The following RALGAPB variants were observed in gnomAD, a reference collection of about 807,000 sequenced individuals.
The protein encoded by RALGAPB is Ral GTPase activating protein non-catalytic subunit beta, also known as ral GTPase-activating protein subunit beta.
In RALGAPB, 25 loss-of-function variants were observed where a neutral mutation model predicts 161.1. The observed-to-expected ratio is 0.16, with a 90% CI of 0.11 to 0.22. RALGAPB has a LOEUF of 0.22. Ranked by LOEUF, RALGAPB falls within the 10% of genes least tolerant of loss-of-function variation. The probability of loss-of-function intolerance (pLI) is 1.00; values close to 1 mark genes in which losing one functional copy is unlikely to be tolerated. For missense variants in RALGAPB, 1,391 were observed against 1,815.2 expected (o/e 0.77, Z 4.25); for synonymous variants, 629 against 626.1 (o/e 1.00, Z -0.07).
At position 38,575,891 on chromosome 20, in the gene RALGAPB, A is replaced by T. The variant is rs1457294636; in HGVS notation, c.*924A>T. The T allele has an allele frequency of 6.6e-6, 1 of 152,650 alleles. No individual in the cohort carries two copies. Among genetic ancestry groups the T allele is most frequent in the East Asian group, 1.9e-4 (1 of 5,196 alleles). 9.5% of individuals were successfully genotyped at this position (152,650 alleles called of 1,614,324 possible). On this transcript the variant is annotated 3_prime_UTR_variant, in exon 30 of 30. Transcript: ENST00000262879. ...ATTTCAGGACCAAGCAGCAAACTGC[A>T]GTAGTTTGTGAAGGATTCTAATATG...
intron 10 of RALGAPB, among the ~76,000 whole-genome samples, chr20:38,521,927 T>C (rs1436150760): frequency 2.0e-5 from 3 of 152,264 alleles, no homozygotes; most frequent in Non-Finnish European, 4.4e-5. Context: ...TATTTGAATC[T>C]TTTTAATATG....
At chr20:38,521,831 T>A in intron 10 of RALGAPB, 133 bp downstream of exon 10, 1 of 939,988 alleles carries the variant, frequency 1.1e-6, no homozygotes, top group Non-Finnish European at 1.6e-6. Flanking sequence ...GACATTTGCC[T>A]GAAATCTTTC....
intron 14 of RALGAPB, 108 bp from the exon 15 acceptor site, chr20:38,532,622 A>G: frequency 7.4e-7 from 1 of 1,343,466 alleles, no homozygotes; most frequent in Non-Finnish European, 1.0e-6. Context: ...AGTTTGTACT[A>G]TTCAGTTGGC....
At chr20:38,519,750 G>C (rs970828617) in intron 9 of RALGAPB, among the ~76,000 whole-genome samples, 1 of 152,180 alleles carries the variant, frequency 6.6e-6, no homozygotes, top group Admixed American at 6.5e-5. Flanking sequence ...GGGTTAGAAT[G>C]CTAGGTGCCA....
rs913619823 is a variant in RALGAPB, at chr20:38,562,759, T to TC, written c.3697+67dup. 15 of 1,469,646 alleles carry TC rather than the reference T, an allele frequency of 1.0e-5. No individual in the cohort carries two copies. The African/African-American group carries it at 1.2e-4, about 11-fold the overall frequency. The allele number at this position is 1,469,646 out of a possible 1,614,324, so 91.0% of individuals were successfully genotyped here. A position where few individuals can be genotyped will look rare whatever the true frequency, so the allele number is the denominator to read the frequency against. ...TGTTTGTTAGTCTTGTTTTTTTTTT[T>TC]CCCCCTTTACTGTGATTTATAGTCT... On this transcript the variant is annotated intron_variant, in intron 24 of 29. Transcript: ENST00000262879.
intron 19 of RALGAPB, chr20:38,547,251 G>GATTAA (rs2087199679): frequency 6.6e-6 from 1 of 151,722 alleles, no homozygotes; most frequent in African/African-American, 2.4e-5. Context: ...TTTTTCTGAT[G>GATTAA]GTAATTGGCA....
intron 3 of RALGAPB, 78 bp from the exon 4 acceptor site, chr20:38,497,275 C>T: frequency 7.4e-7 from 1 of 1,353,862 alleles, no homozygotes; most frequent in Admixed American, 2.0e-5. Context: ...CTGCTTGCTA[C>T]ATCCATAAGT....
At chr20:38,540,437 T>C (rs972765516) in intron 17 of RALGAPB, among the ~76,000 whole-genome samples, 3 of 152,258 alleles carry the variant, frequency 2.0e-5, no homozygotes, top group Non-Finnish European at 4.4e-5. Context: ...TTCTGTGTAA[T>C]GTCTTCCTTA....
rs774166977 is a variant in RALGAPB at position 38,553,962 on chromosome 20, GAGA to G, written c.3261_3263del (p.Arg1087del). ...AACAGAGTGAGGAGGAATTGCAGAAGAGAAGTTTTCCTGACCCAGTTACGGATT... is the reference window on the plus strand; with the variant it reads ...AACAGAGTGAGGAGGAATTGCAGAAGAGTTTTCCTGACCCAGTTACGGATT... On this transcript the variant is annotated inframe_deletion, in exon 22 of 30. Transcript: ENST00000262879. The G allele has an allele frequency of 2.5e-6, 4 of 1,612,954 alleles. No homozygotes were observed. In the South Asian group the frequency reaches 4.4e-5, roughly 18 times the overall value.
intron 29 of RALGAPB, 62 bp downstream of exon 29, chr20:38,574,360 C>A: frequency 6.7e-7 from 1 of 1,481,648 alleles, no homozygotes; most frequent in Non-Finnish European, 9.0e-7. Flanking sequence ...TTTTATAAAC[C>A]AAAAAGAAGT....
intron 14 of RALGAPB, among the ~76,000 whole-genome samples, 184 bp from the exon 15 acceptor site, chr20:38,532,546 C>T (rs1281833719): frequency 6.6e-6 from 1 of 152,198 alleles, no homozygotes; most frequent in Non-Finnish European, 1.5e-5. Flanking sequence ...TTCATACCCT[C>T]CAGTAGATTT....
chr20:38,507,699 G>C (rs1009954703), intron 5 of RALGAPB, among the ~76,000 whole-genome samples: 1 of 151,538 alleles, frequency 6.6e-6, no homozygotes, highest in Admixed American at 6.6e-5. Flanking sequence ...TTTTGTTTTT[G>C]TTTTTCTTTT....
chr20:38,511,590 A>C (rs903514190), intron 6 of RALGAPB, among the ~76,000 whole-genome samples: 5 of 152,194 alleles, frequency 3.3e-5, no homozygotes, highest in African/African-American at 4.8e-5. Context: ...TTGCACCGCC[A>C]TTAATCCATT....
At chr20:38,520,871 T>C (rs2086269944) in intron 9 of RALGAPB, among the ~76,000 whole-genome samples, 1 of 152,218 alleles carries the variant, frequency 6.6e-6, no homozygotes, top group African/African-American at 2.4e-5. Context: ...CAATCCAATT[T>C]TCTGATTTAT....
In RALGAPB at chr20:38,525,439, C is replaced by T. The variant is rs777059021; in HGVS notation, c.1823C>T (p.Thr608Ile). 1 of 1,600,148 alleles carries T rather than the reference C, an allele frequency of 6.2e-7. No individual in the cohort carries two copies. The highest frequency in any genetic ancestry group is 8.5e-7 in the Non-Finnish European group (1 of 1,176,246). ...LSKFKSYVNP[T>I]ELRRSSINIL... ...AAATTCAAAAGCTATGTAAATCCAA[C>T]AGAATTGCGAAGATCCTCCATTAAT... The change falls in exon 12 of 30, where the codon ACA becomes ATA. Residue 608 changes from threonine to isoleucine, a missense_variant. Thr to Ile is a moderately conservative substitution (Grantham distance 89). Transcript: ENST00000262879.
intron 2 of RALGAPB, among the ~76,000 whole-genome samples, chr20:38,490,689 A>G (rs538306047): frequency 6.7e-6 from 1 of 148,362 alleles, no homozygotes; most frequent in Admixed American, 6.6e-5. Context: ...TATTTTTTTT[A>G]GTAGAGACAA....
chr20:38,479,816 C>T (rs1226314454), intron 1 of RALGAPB, among the ~76,000 whole-genome samples: 4 of 152,122 alleles, frequency 2.6e-5, no homozygotes, highest in African/African-American at 9.7e-5. Flanking sequence ...GTGCCTGAAA[C>T]CTCCCTGTTA....
chr20:38,513,651 A>G (rs1425443887), intron 6 of RALGAPB, among the ~76,000 whole-genome samples: 1 of 151,918 alleles, frequency 6.6e-6, no homozygotes. Flanking sequence ...TGTCTCAAAA[A>G]AAAAAAAAAA....
intron 18 of RALGAPB, among the ~76,000 whole-genome samples, chr20:38,541,870 G>A (rs2086979511): frequency 6.6e-6 from 1 of 152,184 alleles, no homozygotes; most frequent in Admixed American, 6.5e-5. Flanking sequence ...GACTCTGGGA[G>A]GATGGGTCAA....
Sources: allele counts gnomAD v4.1 joint callset (sites outside exome capture counted in the v4.1 genomes callset), GRCh38; gene constraint gnomAD v4.1.1; transcripts MANE v1.5; gene names NCBI Gene and HGNC (gene_info 2026-07-23, HGNC 2026-07-21).